Variants in PDZRN4 observed in about 807,000 individuals in gnomAD.
The protein encoded by PDZRN4 is PDZ domain-containing RING finger protein 4.
A neutral mutation model predicts 99.0 loss-of-function variants in PDZRN4; 70 were observed. That is an observed-to-expected ratio of 0.71 (90% CI 0.58 to 0.86). PDZRN4 has a LOEUF of 0.86. PDZRN4 is among the 40% of genes least tolerant of loss of function. PDZRN4 has a pLI of 0.00. For missense variants in PDZRN4, 1,474 were observed against 1,331.2 expected, an observed-to-expected ratio of 1.11 and a Z score of -1.67; for synonymous variants, 551 against 501.6, an observed-to-expected ratio of 1.10 and a Z score of -1.32.
intron 3 of PDZRN4, among the ~76,000 whole-genome samples, chr12:41,502,157 C>T (rs1240709558): frequency 6.6e-6 from 1 of 152,072 alleles, no homozygotes; most frequent in African/African-American, 2.4e-5. Flanking sequence ...GCTAAATTAT[C>T]ATTTCAGAAT....
chr12:41,387,604 A>AACAAC (rs1565569269), intron 3 of PDZRN4, among the ~76,000 whole-genome samples: 3 of 151,960 alleles, frequency 2.0e-5, no homozygotes, highest in Non-Finnish European at 4.4e-5. Flanking sequence ...ACAACAACAA[A>AACAAC]AAAATGGGCA....
intron 3 of PDZRN4, among the ~76,000 whole-genome samples, chr12:41,506,063 C>A (rs1036358807): frequency 6.6e-6 from 1 of 151,642 alleles, no homozygotes; most frequent in Non-Finnish European, 1.5e-5. Flanking sequence ...GCAAGTAAGA[C>A]CTTGATTAAA....
intron 3 of PDZRN4, among the ~76,000 whole-genome samples, chr12:41,501,330 T>C (rs1003712510): frequency 4.6e-5 from 7 of 152,134 alleles, no homozygotes; most frequent in Non-Finnish European, 7.4e-5. Context: ...CAAAAAAGGC[T>C]GTTTGTTTTC....
Position 41,218,932 on chromosome 12 carries a change from G to A in PDZRN4, c.843+24744G>A, listed in dbSNP as rs1381994585. ...ATAGCTAGGAATATTATTTTTCCTA[G>A]AATATTCCTAGATGTAGGAATATTA... On this transcript the variant is annotated intron_variant, in intron 3 of 9. Transcript: ENST00000402685. Among the ~76,000 whole-genome samples the A allele has an allele frequency of 5.3e-5, 8 of 150,032 alleles. No homozygotes were observed. In the South Asian group the frequency reaches 1.5e-3, roughly 27 times the overall value.
chr12:41,228,816 A>C (rs1951012036), intron 3 of PDZRN4, among the ~76,000 whole-genome samples: 1 of 152,132 alleles, frequency 6.6e-6, no homozygotes, highest in Admixed American at 6.6e-5. Flanking sequence ...TAGTATATAC[A>C]ATGAACTGAG....
chr12:41,233,353 G>C (rs1459472101), intron 3 of PDZRN4, among the ~76,000 whole-genome samples: 1 of 152,114 alleles, frequency 6.6e-6, no homozygotes, highest in Non-Finnish European at 1.5e-5. Context: ...CTGTAAACTA[G>C]TTCAACCATT....
At chr12:41,563,684 T>G in intron 8 of PDZRN4, 35 bp downstream of exon 8, 1 of 1,319,152 alleles carries the variant, frequency 7.6e-7, no homozygotes, top group South Asian at 1.2e-5. Context: ...GAGACTGAAC[T>G]TTATATTCAT....
chr12:41,335,093 T>C (rs2121002428), intron 3 of PDZRN4, among the ~76,000 whole-genome samples: 1 of 152,112 alleles, frequency 6.6e-6, no homozygotes, highest in East Asian at 1.9e-4. Context: ...AATATAAAGG[T>C]ATTTTAGGTG....
At chr12:41,427,977 A>G (rs1952551585) in intron 3 of PDZRN4, among the ~76,000 whole-genome samples, 1 of 152,126 alleles carries the variant, frequency 6.6e-6, no homozygotes, top group African/African-American at 2.4e-5. Context: ...AATCCCAGCT[A>G]CTTAGGAGGC....
At position 41,224,663 on chromosome 12, in the gene PDZRN4, A is replaced by G. The variant is rs575777473; in HGVS notation, c.843+30475A>G. Among the ~76,000 whole-genome samples, 12 of 152,310 alleles carry G rather than the reference A, an allele frequency of 7.9e-5. No individual in the cohort carries two copies. In the East Asian group the frequency reaches 1.9e-3, roughly 25 times the overall value. On this transcript the variant is annotated intron_variant, in intron 3 of 9. Transcript: ENST00000402685. ...CCAATTTTATAGTATAGGTAAGAAAATCTGAGTTTGTGTCTTAGAGTAATT... is the reference window on the plus strand; with the variant it reads ...CCAATTTTATAGTATAGGTAAGAAAGTCTGAGTTTGTGTCTTAGAGTAATT...
intron 3 of PDZRN4, among the ~76,000 whole-genome samples, chr12:41,416,690 C>T (rs1278387479): frequency 6.6e-6 from 1 of 152,010 alleles, no homozygotes; most frequent in Non-Finnish European, 1.5e-5. Context: ...TTACTTTTCT[C>T]GACATTTATT....
At position 41,208,504 on chromosome 12, in the gene PDZRN4, G is replaced by C. The variant is rs1171499758; in HGVS notation, c.843+14316G>C. 4.6e-5 allele frequency among the ~76,000 whole-genome samples: 7 copies of C among 151,946 alleles called. No individual in the cohort carries two copies. The East Asian group carries it at 9.7e-4, about 21-fold the overall frequency. On this transcript the variant is annotated intron_variant, in intron 3 of 9. Transcript: ENST00000402685. The stretch of plus-strand genomic sequence containing the variant: ...TGTCAATTATTTTAATCTTTGTCAA[G>C]CTTTTAATCTTTGTCAGTAGCAGCT...
chr12:41,480,055 G>T (rs1188824370), intron 3 of PDZRN4, among the ~76,000 whole-genome samples: 1 of 152,134 alleles, frequency 6.6e-6, no homozygotes. Flanking sequence ...TGAAATATTG[G>T]TGTAGAATTC....
intron 3 of PDZRN4, among the ~76,000 whole-genome samples, chr12:41,407,427 C>A (rs1258261884): frequency 6.6e-6 from 1 of 152,132 alleles, no homozygotes; most frequent in African/African-American, 2.4e-5. Context: ...GGCTGGATAA[C>A]CCATTTGGGA....
At chr12:41,392,321 A>T (rs911094101) in intron 3 of PDZRN4, among the ~76,000 whole-genome samples, 1 of 152,136 alleles carries the variant, frequency 6.6e-6, no homozygotes, top group Non-Finnish European at 1.5e-5. Context: ...ACACACACAC[A>T]TCAGAAATAA....
chr12:41,438,325 G>A (rs1016746991), intron 3 of PDZRN4, among the ~76,000 whole-genome samples: 2 of 152,094 alleles, frequency 1.3e-5, no homozygotes, highest in African/African-American at 4.8e-5. Context: ...TTTCATTTTG[G>A]AATACTGTTG....
At chr12:41,384,252 C>A (rs139511871) in intron 3 of PDZRN4, among the ~76,000 whole-genome samples, 1 of 152,090 alleles carries the variant, frequency 6.6e-6, no homozygotes, top group Admixed American at 6.5e-5. Flanking sequence ...AAATCTTTTT[C>A]CATTCACTCT....
intron 5 of PDZRN4, among the ~76,000 whole-genome samples, chr12:41,515,336 A>G (rs1938382866): frequency 6.6e-6 from 1 of 152,052 alleles, no homozygotes; most frequent in East Asian, 1.9e-4. Context: ...TCTTCCACTT[A>G]GTCCCTTTTC....
At chr12:41,335,690 C>T (rs1462173500) in intron 3 of PDZRN4, among the ~76,000 whole-genome samples, 2 of 151,970 alleles carry the variant, frequency 1.3e-5, no homozygotes, top group East Asian at 3.9e-4. Flanking sequence ...TGGACTTCTG[C>T]TCAGTAGTGG....
Sources: gnomAD v4.1 joint callset for allele counts (sites outside exome capture counted in the v4.1 genomes callset) on GRCh38, gnomAD v4.1.1 for gene constraint, MANE v1.5 for transcripts, NCBI Gene and HGNC (gene_info 2026-07-23, HGNC 2026-07-21) for gene names.